Variants in FBN1 observed in about 807,000 individuals in gnomAD.
FBN1 encodes fibrillin-1.
FBN1 carries 29 observed loss-of-function variants against 365.1 expected under a neutral mutation model. The observed-to-expected ratio is 0.08, with a 90% CI of 0.06 to 0.11. The LOEUF (loss-of-function observed/expected upper bound fraction) is 0.11. Ranked by LOEUF, FBN1 falls within the 10% of genes least tolerant of loss-of-function variation. FBN1 has a pLI of 1.00. For missense variants in FBN1, 2,476 were observed against 3,703.2 expected (o/e 0.67, Z 8.60); for synonymous variants, 1,210 against 1,270.5 (o/e 0.95, Z 1.01).
At position 48,488,354 on chromosome 15, in the gene FBN1, G is replaced by C. The variant is rs532545840; in HGVS notation, c.3208+14C>G. 5 of 1,614,168 alleles carry C rather than the reference G, an allele frequency of 3.1e-6. No individual in the cohort carries two copies. Among genetic ancestry groups the C allele is most frequent in the Non-Finnish European group, 4.2e-6 (5 of 1,180,030 alleles). On this transcript the variant is annotated intron_variant, in intron 26 of 65. Transcript: ENST00000316623. ...GACGTCCCCTCTCCTGGCCCTTAAG[G>C]CTCATTAACTGACCTGTGCAGTTCC...
intron 6 of FBN1, among the ~76,000 whole-genome samples, chr15:48,563,556 C>T (rs57790277): frequency 0.029 from 4,466 of 152,220 alleles, 265 homozygotes; most frequent in East Asian, 0.24. Flanking sequence ...ATTTATAAAA[C>T]AAAATATTTT....
At chr15:48,579,801 C>T (rs990095277) in intron 6 of FBN1, among the ~76,000 whole-genome samples, 3 of 152,198 alleles carry the variant, frequency 2.0e-5, no homozygotes, top group Admixed American at 6.5e-5. Context: ...AACTCATGCA[C>T]ACTTAGATTC....
chr15:48,619,690 G>A (rs1166049148), intron 2 of FBN1, among the ~76,000 whole-genome samples: 1 of 151,886 alleles, frequency 6.6e-6, no homozygotes, highest in Non-Finnish European at 1.5e-5. Context: ...CAAGCACAAA[G>A]CTGTTCAACA....
chr15:48,480,596 T>C (rs2043458436), intron 32 of FBN1, among the ~76,000 whole-genome samples: 2 of 152,312 alleles, frequency 1.3e-5, no homozygotes, highest in East Asian at 3.9e-4. Context: ...GCCCTTATCC[T>C]ACATATCAAT....
At chr15:48,589,372 G>A (rs1353542397) in intron 6 of FBN1, among the ~76,000 whole-genome samples, 1 of 152,116 alleles carries the variant, frequency 6.6e-6, no homozygotes, top group East Asian at 1.9e-4. Context: ...CCCACTGCTT[G>A]TTCATACCAC....
chr15:48,418,929 C>G (rs538470559), intron 63 of FBN1, among the ~76,000 whole-genome samples: 1 of 152,224 alleles, frequency 6.6e-6, no homozygotes, highest in Non-Finnish European at 1.5e-5. Context: ...GAAAATGGGT[C>G]AACTCTATCT....
intron 6 of FBN1, among the ~76,000 whole-genome samples, chr15:48,585,109 C>T (rs1022732955): frequency 6.6e-6 from 1 of 152,144 alleles, no homozygotes; most frequent in African/African-American, 2.4e-5. Flanking sequence ...TTTATAAAAA[C>T]ATTTTCAATT....
At chr15:48,433,272 A>G (rs538193686) in intron 54 of FBN1, among the ~76,000 whole-genome samples, 1 of 152,272 alleles carries the variant, frequency 6.6e-6, no homozygotes. Context: ...TGGATGGGAA[A>G]TTACAGGCCA....
chr15:48,533,918 C>T (rs1040166162), intron 8 of FBN1, among the ~76,000 whole-genome samples, 162 bp downstream of exon 8: 1 of 152,104 alleles, frequency 6.6e-6, no homozygotes. Context: ...GGTCCAATAG[C>T]ACAAAGGCAT....
intron 2 of FBN1, among the ~76,000 whole-genome samples, chr15:48,629,002 A>T (rs1345068072): frequency 1.3e-5 from 2 of 152,204 alleles, no homozygotes; most frequent in Non-Finnish European, 2.9e-5. Flanking sequence ...GGACCATACC[A>T]CTGGAATGCA....
chr15:48,581,794 C>A (rs376519156), intron 6 of FBN1, among the ~76,000 whole-genome samples: 2 of 152,100 alleles, frequency 1.3e-5, no homozygotes, highest in South Asian at 2.1e-4. Context: ...ATGCTAGCGA[C>A]CACAGTGAGC....
intron 4 of FBN1, among the ~76,000 whole-genome samples, chr15:48,608,442 T>C (rs961501807): frequency 9.2e-5 from 14 of 152,228 alleles, no homozygotes; most frequent in African/African-American, 3.1e-4. Flanking sequence ...TTCTGTGGAA[T>C]GGCACAGCTG....
chr15:48,634,275 A>C (rs1335311478), intron 2 of FBN1, among the ~76,000 whole-genome samples: 1 of 152,210 alleles, frequency 6.6e-6, no homozygotes, highest in Non-Finnish European at 1.5e-5. Flanking sequence ...CAATGGATTA[A>C]CCTGCTTTTC....
intron 2 of FBN1, among the ~76,000 whole-genome samples, chr15:48,638,456 T>C (rs1227825609): frequency 1.3e-5 from 2 of 152,220 alleles, no homozygotes; most frequent in Non-Finnish European, 2.9e-5. Flanking sequence ...TTTCCAACTC[T>C]ACCACTTACT....
At chr15:48,494,307 C>G in intron 22 of FBN1, 53 bp from the exon 23 acceptor site, 1 of 1,384,068 alleles carries the variant, frequency 7.2e-7, no homozygotes, top group Middle Eastern at 1.8e-4. Flanking sequence ...ATAACAATAT[C>G]CAGACTTTGC....
intron 6 of FBN1, among the ~76,000 whole-genome samples, chr15:48,568,029 G>GAAAT: frequency 1.1e-5 from 1 of 89,686 alleles, no homozygotes; most frequent in South Asian, 3.5e-4. Flanking sequence ...AAGAAAGAAA[G>GAAAT]AAAGAAAGAA....
At chr15:48,547,010 T>C (rs968861900) in intron 6 of FBN1, among the ~76,000 whole-genome samples, 1 of 152,168 alleles carries the variant, frequency 6.6e-6, no homozygotes, top group Admixed American at 6.5e-5. Context: ...AGGTACCTGG[T>C]GTAGAACAGG....
chr15:48,445,893 A>G (rs905332044), intron 47 of FBN1, among the ~76,000 whole-genome samples: 2 of 152,148 alleles, frequency 1.3e-5, no homozygotes, highest in African/African-American at 4.8e-5. Context: ...AAATTAGCCT[A>G]TAGCACAATA....
intron 8 of FBN1, among the ~76,000 whole-genome samples, chr15:48,527,927 G>A (rs550743221): frequency 6.6e-6 from 1 of 152,316 alleles, no homozygotes; most frequent in South Asian, 2.1e-4. Flanking sequence ...AGAGCCTAGG[G>A]TTACCCACGT....
Sources: gnomAD v4.1 joint callset for allele counts (sites outside exome capture counted in the v4.1 genomes callset) on GRCh38, gnomAD v4.1.1 for gene constraint, MANE v1.5 for transcripts, NCBI Gene and HGNC (gene_info 2026-07-23, HGNC 2026-07-21) for gene names.